The following UNC13C variants were observed in gnomAD, a reference collection of about 807,000 sequenced individuals.
The protein encoded by UNC13C is unc-13 homolog C, also known as protein unc-13 homolog C.
UNC13C carries 174 observed loss-of-function variants against 245.4 expected under a neutral mutation model. The observed-to-expected ratio is 0.71, with a 90% CI of 0.63 to 0.80. The LOEUF is 0.80. Ranked by LOEUF, UNC13C falls within the 30% of genes least tolerant of loss-of-function variation. UNC13C has a pLI of 0.00. For missense variants in UNC13C, 2,829 were observed against 2,602.9 expected (o/e 1.09, Z -1.89); for synonymous variants, 992 against 895.1 (o/e 1.11, Z -1.93).
At chr15:54,548,150 G>A (rs1218106488) in intron 27 of UNC13C, among the ~76,000 whole-genome samples, 1 of 150,732 alleles carries the variant, frequency 6.6e-6, no homozygotes, top group African/African-American at 2.4e-5. Flanking sequence ...ACTTGCGTGA[G>A]CATTGTCTCA....
chr15:53,952,679 A>G, the UNC13C span, among the ~76,000 whole-genome samples: 2 of 152,208 alleles, frequency 1.3e-5, no homozygotes, highest in African/African-American at 4.8e-5. Flanking sequence ...ATTTTAATGT[A>G]TAACCAAATT....
intron 4 of UNC13C, among the ~76,000 whole-genome samples, chr15:54,232,400 C>T (rs563734271): frequency 9.9e-5 from 15 of 152,194 alleles, no homozygotes; most frequent in African/African-American, 3.6e-4. Context: ...CCTTGGATAT[C>T]TCTGCTCTGA....
rs555358167 is a variant in UNC13C, at chr15:54,278,022, T to G, written c.3818+12526T>G. 2.0e-5 allele frequency among the ~76,000 whole-genome samples: 3 copies of G among 152,118 alleles called. No individual in the cohort carries two copies. The East Asian group carries it at 5.8e-4, about 29-fold the overall frequency. On this transcript the variant is annotated intron_variant, in intron 10 of 32. Transcript: ENST00000260323. ...ATCCCCTTAGATAACTTTCTGTTTA[T>G]GGAAAAGGGATCAGCGTGGCATGCA... is the stretch of plus-strand genomic sequence containing the variant.
Position 54,455,684 on chromosome 15 carries a change from A to G in UNC13C, c.4934-38924A>G, listed in dbSNP as rs931069100. On this transcript the variant is annotated intron_variant, in intron 19 of 32. Coordinates refer to ENST00000260323, the MANE Select transcript of UNC13C (RefSeq NM_001080534.3). ...TTGAGAATTGTCTATTCATGAACTT[A>G]GCCTGATTTTTGATGGGGTTATGAT... Among the ~76,000 whole-genome samples, 3 of 151,764 alleles carry G rather than the reference A, an allele frequency of 2.0e-5. No individual in the cohort carries two copies. In the East Asian group the frequency reaches 5.8e-4, roughly 29 times the overall value.
intron 10 of UNC13C, among the ~76,000 whole-genome samples, chr15:54,284,494 T>A (rs1305148214): frequency 6.6e-6 from 1 of 152,150 alleles, no homozygotes; most frequent in Non-Finnish European, 1.5e-5. Context: ...GACAGGTAAG[T>A]GTTCACCAGA....
chr15:54,192,363 G>C (rs938135333), intron 4 of UNC13C, among the ~76,000 whole-genome samples: 9 of 151,756 alleles, frequency 5.9e-5, no homozygotes, highest in African/African-American at 1.9e-4. Context: ...GGTTTTTCTT[G>C]TGTCATCTAA....
chr15:54,056,666 A>G (rs1344908631), intron 2 of UNC13C, among the ~76,000 whole-genome samples: 1 of 152,152 alleles, frequency 6.6e-6, no homozygotes, highest in African/African-American at 2.4e-5. Context: ...TGTCAGATTC[A>G]CCAAAGTTGA....
chr15:54,365,762 G>GAAAAAAA (rs796539719), intron 17 of UNC13C, among the ~76,000 whole-genome samples: 2 of 134,032 alleles, frequency 1.5e-5, no homozygotes, highest in African/African-American at 5.4e-5. Context: ...AAGAAAAAAA[G>GAAAAAAA]AAAAAAAAAA....
chr15:53,991,074 A>G (rs1894366292), intron 1 of UNC13C, among the ~76,000 whole-genome samples: 1 of 152,042 alleles, frequency 6.6e-6, no homozygotes, highest in African/African-American at 2.4e-5. Context: ...CTGGGGGCAC[A>G]GTACCATGGG....
the UNC13C span, among the ~76,000 whole-genome samples, chr15:53,839,875 T>A: frequency 6.6e-6 from 1 of 152,166 alleles, no homozygotes; most frequent in African/African-American, 2.4e-5. Context: ...CATATTAATA[T>A]CTTTGTTAAA....
chr15:54,048,947 G>A (rs573698614), intron 2 of UNC13C: 59 of 303,852 alleles, frequency 1.9e-4, no homozygotes, highest in African/African-American at 1.3e-3. Flanking sequence ...CTTGAAGCCT[G>A]CAAAGGACAT....
chr15:53,903,643 G>A, the UNC13C span, among the ~76,000 whole-genome samples: 2 of 152,132 alleles, frequency 1.3e-5, no homozygotes, highest in African/African-American at 2.4e-5. Context: ...TCAGTGACAC[G>A]ACTGTTCAAG....
At chr15:54,619,779 AT>A (rs1201972498) in intron 30 of UNC13C, among the ~76,000 whole-genome samples, 2 of 149,872 alleles carry the variant, frequency 1.3e-5, no homozygotes, top group African/African-American at 5.1e-5. Context: ...AAAGCATTGT[AT>A]TGTATGAATG....
chr15:54,148,290 A>G (rs1418544880), intron 4 of UNC13C, among the ~76,000 whole-genome samples: 2 of 152,224 alleles, frequency 1.3e-5, no homozygotes, highest in Non-Finnish European at 2.9e-5. Flanking sequence ...AGGAACAACT[A>G]TCTTGGTAAA....
chr15:54,295,824 G>T (rs990985059), intron 11 of UNC13C, among the ~76,000 whole-genome samples: 1 of 152,122 alleles, frequency 6.6e-6, no homozygotes, highest in South Asian at 2.1e-4. Context: ...ACGCAATATT[G>T]TAAGTCTTTA....
At chr15:54,000,785 A>G (rs533134074) in intron 1 of UNC13C, among the ~76,000 whole-genome samples, 1 of 152,276 alleles carries the variant, frequency 6.6e-6, no homozygotes. Context: ...TAGACACTCG[A>G]GGTGCGGCAC....
intron 4 of UNC13C, among the ~76,000 whole-genome samples, chr15:54,182,692 C>A (rs1335292560): frequency 6.6e-6 from 1 of 151,850 alleles, no homozygotes; most frequent in Non-Finnish European, 1.5e-5. Context: ...GGAAAATATC[C>A]TCTAAAAAAC....
chr15:54,360,635 C>T (rs2039209442), intron 17 of UNC13C, among the ~76,000 whole-genome samples: 2 of 152,062 alleles, frequency 1.3e-5, no homozygotes, highest in Non-Finnish European at 2.9e-5. Flanking sequence ...CTCACCTTAG[C>T]ATTTTTCTTG....
At chr15:54,440,688 T>C (rs1890474232) in intron 19 of UNC13C, among the ~76,000 whole-genome samples, 1 of 152,034 alleles carries the variant, frequency 6.6e-6, no homozygotes, top group African/African-American at 2.4e-5. Context: ...GTGGGATTGG[T>C]GGATCCTACA....
Sources: allele counts gnomAD v4.1 joint callset (sites outside exome capture counted in the v4.1 genomes callset), GRCh38; gene constraint gnomAD v4.1.1; transcripts MANE v1.5; gene names NCBI Gene and HGNC (gene_info 2026-07-23, HGNC 2026-07-21).